FGGY: variants seen among roughly 807,000 people sequenced by gnomAD.
FGGY encodes FGGY carbohydrate kinase domain-containing protein.
A neutral mutation model predicts 71.3 loss-of-function variants in FGGY; 72 were observed. The ratio of observed to expected loss-of-function variants is 1.01; its 90% CI spans 0.84 to 1.23. FGGY has a LOEUF of 1.23. Ranked by LOEUF, FGGY falls within the 50% of genes most tolerant of loss-of-function variation. The pLI is 0.00. For synonymous variants in FGGY, 251 were observed against 250.3 expected, an observed-to-expected ratio of 1.00 and a Z score of -0.02; for missense variants, 668 against 682.3, an observed-to-expected ratio of 0.98 and a Z score of 0.23.
At chr1:59,517,072 A>T (rs754542905) in intron 7 of FGGY, among the ~76,000 whole-genome samples, 5 of 152,086 alleles carry the variant, frequency 3.3e-5, no homozygotes, top group Non-Finnish European at 7.4e-5. Context: ...AGAAGATAGG[A>T]GTAGCTTTGT....
chr1:59,738,899 A>G (rs2098125966), intron 14 of FGGY, among the ~76,000 whole-genome samples: 1 of 152,216 alleles, frequency 6.6e-6, no homozygotes, highest in Admixed American at 6.5e-5. Context: ...TTCTTTGTCC[A>G]TTCCCAGCTT....
chr1:59,565,267 G>A (rs578199726), intron 8 of FGGY, among the ~76,000 whole-genome samples: 1 of 152,018 alleles, frequency 6.6e-6, no homozygotes, highest in Non-Finnish European at 1.5e-5. Flanking sequence ...CTTATCCAAG[G>A]CTGTCTAGCT....
chr1:59,347,093 TC>T (rs1261019565), intron 4 of FGGY, among the ~76,000 whole-genome samples: 1 of 24,078 alleles, frequency 4.2e-5, no homozygotes, highest in Non-Finnish European at 6.9e-5. Context: ...TCTTTTTTTT[TC>T]GGTTATTCTT....
At chr1:59,599,076 G>A (rs2096550695) in intron 8 of FGGY, among the ~76,000 whole-genome samples, 1 of 150,588 alleles carries the variant, frequency 6.6e-6, no homozygotes, top group South Asian at 2.2e-4. Flanking sequence ...ATAACATTGA[G>A]TTCAGTCCTA....
chr1:59,685,691 T>C (rs1418691930), intron 14 of FGGY, among the ~76,000 whole-genome samples: 1 of 152,160 alleles, frequency 6.6e-6, no homozygotes, highest in East Asian at 1.9e-4. Flanking sequence ...GATTGGTGAG[T>C]GCCACACCAA....
intron 5 of FGGY, among the ~76,000 whole-genome samples, chr1:59,450,789 T>A (rs2072519540): frequency 6.6e-6 from 1 of 152,150 alleles, no homozygotes; most frequent in East Asian, 1.9e-4. Context: ...TTATGAAATA[T>A]TCTTCTTTTC....
intron 5 of FGGY, among the ~76,000 whole-genome samples, chr1:59,416,429 A>G (rs914198300): frequency 1.3e-5 from 2 of 152,208 alleles, no homozygotes; most frequent in African/African-American, 2.4e-5. Flanking sequence ...TATGATGACA[A>G]TAATCATACC....
intron 8 of FGGY, among the ~76,000 whole-genome samples, chr1:59,594,372 G>A (rs1479022711): frequency 6.6e-6 from 1 of 152,198 alleles, no homozygotes; most frequent in Non-Finnish European, 1.5e-5. Flanking sequence ...TGTAGGGTTT[G>A]TCTAACATTG....
intron 5 of FGGY, among the ~76,000 whole-genome samples, chr1:59,392,572 C>T (rs1281631283): frequency 6.6e-6 from 1 of 152,144 alleles, no homozygotes; most frequent in Non-Finnish European, 1.5e-5. Flanking sequence ...CTTTTGGATT[C>T]TCCTTTAAAA....
At chr1:59,347,489 AGTCTATCATT>A (rs1318049171) in intron 4 of FGGY, among the ~76,000 whole-genome samples, 1 of 152,002 alleles carries the variant, frequency 6.6e-6, no homozygotes, top group East Asian at 1.9e-4. Context: ...TTCTTAATCC[AGTCTATCATT>A]GTTGGACATT....
chr1:59,717,447 A>C (rs560777367), intron 14 of FGGY, among the ~76,000 whole-genome samples: 1 of 152,306 alleles, frequency 6.6e-6, no homozygotes, highest in South Asian at 2.1e-4. Context: ...AGAGCATAGG[A>C]TACCATAATG....
chr1:59,627,477 TATATATATATATACAC>T lies in FGGY; in HGVS notation c.1073+1430_1073+1445del, dbSNP rs1338778770. ...TTTTATATATATATATATATATATATATATATATATATACACACACACACACACACACAGCTGGATA... is the reference window on the plus strand; with the variant it reads ...TTTTATATATATATATATATATATATACACACACACACACACAGCTGGATA... On this transcript the variant is annotated intron_variant, in intron 10 of 15. Coordinates refer to ENST00000303721, the MANE Select transcript of FGGY (RefSeq NM_018291.5). Among the ~76,000 whole-genome samples the T allele has an allele frequency of 5.3e-3, 699 of 132,352 alleles. 1 individual carries two copies. The highest frequency in any genetic ancestry group is 0.021 in the African/African-American group (663 of 30,898). The allele number at this position is 132,352 out of a possible 152,430, so 86.8% of individuals were successfully genotyped here.
At chr1:59,391,337 G>A (rs1218762427) in intron 5 of FGGY, among the ~76,000 whole-genome samples, 1 of 152,122 alleles carries the variant, frequency 6.6e-6, no homozygotes, top group African/African-American at 2.4e-5. Flanking sequence ...TGGGTCAGTC[G>A]GGCTGGAGGC....
intron 14 of FGGY, among the ~76,000 whole-genome samples, chr1:59,742,649 C>G (rs755915965): frequency 2.4e-4 from 36 of 152,180 alleles, no homozygotes; most frequent in Non-Finnish European, 4.3e-4. Flanking sequence ...AAAATCTGAA[C>G]CCACCATCTC....
chr1:59,751,854 T>C (rs1384421686), intron 14 of FGGY, among the ~76,000 whole-genome samples: 1 of 152,242 alleles, frequency 6.6e-6, no homozygotes, highest in Non-Finnish European at 1.5e-5. Context: ...ATCCATTGAC[T>C]GAATCTTTTT....
intron 8 of FGGY, among the ~76,000 whole-genome samples, chr1:59,559,790 TA>T (rs1258807638): frequency 6.6e-6 from 1 of 152,166 alleles, no homozygotes; most frequent in Non-Finnish European, 1.5e-5. Context: ...TGGAACAATT[TA>T]AGCAGTAAAA....
chr1:59,759,366 G>C (rs1426299968), intron 15 of FGGY, among the ~76,000 whole-genome samples: 1 of 152,174 alleles, frequency 6.6e-6, no homozygotes. Context: ...ATGCAGGAAG[G>C]TGGAGAGATC....
intron 10 of FGGY, among the ~76,000 whole-genome samples, chr1:59,637,939 G>C (rs1192374772): frequency 3.3e-5 from 5 of 152,206 alleles, no homozygotes; most frequent in Non-Finnish European, 7.4e-5. Flanking sequence ...TTACAGATGA[G>C]AAGAGGGTGG....
intron 8 of FGGY, among the ~76,000 whole-genome samples, chr1:59,599,737 C>T (rs1311500667): frequency 3.4e-5 from 5 of 148,676 alleles, no homozygotes; most frequent in South Asian, 2.2e-4. Flanking sequence ...TAGGGGAAAG[C>T]GAGAGGGAGT....
Sources: allele counts gnomAD v4.1 joint callset (sites outside exome capture counted in the v4.1 genomes callset), GRCh38; gene constraint gnomAD v4.1.1; transcripts MANE v1.5; gene names NCBI Gene and HGNC (gene_info 2026-07-23, HGNC 2026-07-21).